The following FCGR3B variants were observed in gnomAD, a reference collection of about 807,000 sequenced individuals.
The protein encoded by FCGR3B is Fc gamma receptor IIIb.
FCGR3B carries 20 observed loss-of-function variants against 26.7 expected under a neutral mutation model. The observed-to-expected ratio is 0.75, with a 90% CI of 0.53 to 1.09. The LOEUF is 1.09. Among genes scored for constraint, FCGR3B ranks in the 50% least tolerant of loss-of-function variants. The pLI, the probability that FCGR3B is intolerant of heterozygous loss-of-function variation, is 0.00. For synonymous variants in FCGR3B, 79 were observed against 107.0 expected (o/e 0.74, Z 1.62); for missense variants, 191 against 279.7 (o/e 0.68, Z 2.26).
rs766880686 is a variant in FCGR3B at position 161,626,326 on chromosome 1, C to T, written c.396G>A (p.Lys132=). 6.2e-7 allele frequency: 1 copy of T among 1,609,142 alleles called. No individual in the cohort carries two copies. The highest frequency in any genetic ancestry group is 1.1e-5 in the South Asian group (1 of 90,628). The change falls in exon 4 of 5, where the codon AAG becomes AAA. Residue 132 remains lysine (K), a synonymous_variant. Coordinates refer to ENST00000650385, the MANE Select transcript of FCGR3B (RefSeq NM_001244753.2). ...ATGTGACCTTATGCAGAGCAGTGTT[C>T]TTCCAGCTGTGACACCTCAGGTGAA... ...DPIHLRCHSW[K]NTALHKVTYL...
intron 1 of FCGR3B, chr1:161,630,655 A>G: frequency 5.3e-6 from 3 of 564,746 alleles, no homozygotes; most frequent in Non-Finnish European, 9.5e-6. Flanking sequence ...TTAAGGGTAC[A>G]GGTTGAATTT....
At chr1:161,627,323 G>C (rs1305515259) in intron 3 of FCGR3B, among the ~76,000 whole-genome samples, 1 of 150,250 alleles carries the variant, frequency 6.7e-6, no homozygotes, top group African/African-American at 2.5e-5. Flanking sequence ...TTTCTCTGAA[G>C]GAGTGGGACC....
chr1:161,631,258 A>G, upstream of FCGR3B: 1 of 1,506,116 alleles, frequency 6.6e-7, no homozygotes, highest in Non-Finnish European at 9.0e-7. Context: ...CTCAATCTGA[A>G]GTCTCGCAAT....
intron 3 of FCGR3B, among the ~76,000 whole-genome samples, chr1:161,626,731 G>T (rs1286875023): frequency 1.0e-4 from 15 of 149,714 alleles, no homozygotes; most frequent in Admixed American, 2.7e-4. Context: ...ATTTGCTGTG[G>T]CAGGTGACAA....
chr1:161,626,021 A>G (rs1296669423), intron 4 of FCGR3B, 124 bp downstream of exon 4: 6 of 1,120,774 alleles, frequency 5.4e-6, no homozygotes, highest in Non-Finnish European at 7.6e-6. Context: ...GATCACCAGG[A>G]GGGAACCACA....
At position 161,624,595 on chromosome 1, in the gene FCGR3B, G is replaced by C; in HGVS notation, c.622C>G (p.Gln208Glu). 1 of 1,606,554 alleles carries C rather than the reference G, an allele frequency of 6.2e-7. No homozygotes were observed. The highest frequency in any genetic ancestry group is 8.5e-7 in the Non-Finnish European group (1 of 1,176,582). ...TISSFSPPGY[Q>E]VSFCLVMVLL... ...ACCATCACCAAGCAGAAAGAGACTTGGTACCCAGGTGGAGAGAATGATGAG... is the reference window on the plus strand; with the variant it reads ...ACCATCACCAAGCAGAAAGAGACTTCGTACCCAGGTGGAGAGAATGATGAG... Residue 208 changes from glutamine (Q) to glutamate (E), a missense_variant, in exon 5 of 5, where the codon CAA becomes GAA. By Grantham distance (29) the Gln-to-Glu change is conservative. Transcript: ENST00000650385.
In FCGR3B at chr1:161,630,470, C is replaced by T. The variant is rs1679685537; in HGVS notation, c.41-82G>A. ...GAACATAGAGTGAGTTTAAAACTCC[C>T]CTGCCCTCCTCTGCCCCAGGAGCCC... On this transcript the variant is annotated intron_variant, in intron 1 of 4. Transcript: ENST00000650385. The T allele has an allele frequency of 9.6e-6, 12 of 1,253,878 alleles. No individual in the cohort carries two copies. The South Asian group carries it at 1.3e-4, about 14-fold the overall frequency. 77.7% of individuals were successfully genotyped at this position (1,253,878 alleles called of 1,614,324 possible).
At chr1:161,630,249 C>G (rs1679671814) in intron 2 of FCGR3B, 119 bp downstream of exon 2, 5 of 986,518 alleles carry the variant, frequency 5.1e-6, no homozygotes, top group Admixed American at 4.0e-5. Flanking sequence ...GTTGGAGGAA[C>G]TATCCCTGCT....
rs762914235 is a variant in FCGR3B at position 161,626,401 on chromosome 1, G to A, written c.321C>T (p.Gly107=). Residue 107 remains glycine (G), a splice_region_variant and synonymous_variant, in exon 4 of 5, where the codon GGC becomes GGT. Transcript: ENST00000650385. ...ACCGAGGGGCCTGGAGCAACAGCCAGCCTGAAAGACACAGAGACACCCCAG... is the reference window on the plus strand; with the variant it reads ...ACCGAGGGGCCTGGAGCAACAGCCAACCTGAAAGACACAGAGACACCCCAG... ...SDPVQLEVHI[G]WLLLQAPRWV... 1 of 1,609,070 alleles carries A rather than the reference G, an allele frequency of 6.2e-7. No homozygotes were observed. The highest frequency in any genetic ancestry group is 1.1e-5 in the South Asian group (1 of 90,582).
At position 161,626,063 on chromosome 1, in the gene FCGR3B, T is replaced by G. The variant is rs1200058002; in HGVS notation, c.577+82A>C. 4.6e-6 allele frequency: 7 copies of G among 1,508,600 alleles called. 1 individual carries two copies. The highest frequency in any genetic ancestry group is 6.3e-6 in the Non-Finnish European group (7 of 1,110,702). 93.5% of individuals were successfully genotyped at this position (1,508,600 alleles called of 1,614,324 possible). On this transcript the variant is annotated intron_variant, in intron 4 of 4. Coordinates refer to ENST00000650385, the MANE Select transcript of FCGR3B (RefSeq NM_001244753.2). ...GAAGTGCGTGTAAGAATCAGGAATC[T>G]CCTCCCAACTCAACTTCCCAGTGTG...
Position 161,630,878 on chromosome 1 carries a change from A to G in FCGR3B, c.40+177T>C, listed in dbSNP as rs1393725218. ...TCATGACTATGACCCAATTGGAACC[A>G]GCATTCTCCTCATTTCTAGCCCCAT... On this transcript the variant is annotated intron_variant, in intron 1 of 4. Transcript: ENST00000650385. 1.4e-6 allele frequency: 2 copies of G among 1,407,126 alleles called. 1 individual carries two copies. The highest frequency in any genetic ancestry group is 5.1e-5 in the East Asian group (2 of 39,066). 87.2% of individuals were successfully genotyped at this position (1,407,126 alleles called of 1,614,324 possible).
intron 3 of FCGR3B, among the ~76,000 whole-genome samples, chr1:161,627,957 TA>T (rs1347428368): frequency 6.7e-6 from 1 of 150,042 alleles, no homozygotes; most frequent in Non-Finnish European, 1.5e-5. Flanking sequence ...TAGATTGGAA[TA>T]AAGAAATTCT....
intron 3 of FCGR3B, among the ~76,000 whole-genome samples, chr1:161,629,139 A>T (rs138482514): frequency 6.2e-4 from 62 of 99,456 alleles, no homozygotes; most frequent in East Asian, 1.6e-3. Context: ...ATTCAATAAA[A>T]ATTATTGGCC....
At chr1:161,625,032 T>A (rs1381284012) in intron 4 of FCGR3B, among the ~76,000 whole-genome samples, 1 of 143,492 alleles carries the variant, frequency 7.0e-6, no homozygotes, top group Non-Finnish European at 1.5e-5. Context: ...TTTCCAAACT[T>A]AAAAAAAATG....
In FCGR3B at chr1:161,631,044, T is replaced by C. The variant is rs570052785; in HGVS notation, c.40+11A>G. On this transcript the variant is annotated intron_variant, in intron 1 of 4. Transcript: ENST00000650385. ...CAAACTTCTCCCTCAACCAGGGAGA[T>C]CCTGACTTACCTAGAAGTAGCAGAG... 1.9e-4 allele frequency: 309 copies of C among 1,604,228 alleles called. 13 individuals carry two copies. Among genetic ancestry groups the C allele is most frequent in the Middle Eastern group, 6.8e-4 (4 of 5,840 alleles).
upstream of FCGR3B, chr1:161,631,314 C>T (rs767629365): frequency 8.4e-7 from 1 of 1,184,104 alleles, no homozygotes; most frequent in African/African-American, 1.6e-5. Flanking sequence ...AGCCTGGAGG[C>T]AAGGTGGGTG....
At chr1:161,628,238 A>G (rs1570984751) in intron 3 of FCGR3B, among the ~76,000 whole-genome samples, 2 of 150,180 alleles carry the variant, frequency 1.3e-5, no homozygotes, top group South Asian at 4.3e-4. Context: ...GCGCCACTGC[A>G]CTCCAGCTTG....
intron 1 of FCGR3B, chr1:161,630,833 G>A: frequency 4.8e-6 from 5 of 1,040,488 alleles, no homozygotes; most frequent in Non-Finnish European, 6.6e-6. Flanking sequence ...GACCCAGAGG[G>A]GTGAAGTGAC....
At position 161,624,478 on chromosome 1, in the gene FCGR3B, A is replaced by G. The variant is rs895780402; in HGVS notation, c.*37T>C. On this transcript the variant is annotated 3_prime_UTR_variant, in exon 5 of 5. Transcript: ENST00000650385. ...CATGTGTCTTGAGGGTCCTTTCTCC[A>G]TTTAAGTTTATGGTCCTTCCAGTCT... 6.3e-7 allele frequency: 1 copy of G among 1,599,760 alleles called. No individual in the cohort carries two copies. Among genetic ancestry groups the G allele is most frequent in the African/African-American group, 1.4e-5 (1 of 72,610 alleles).
Sources: gnomAD v4.1 joint callset for allele counts (sites outside exome capture counted in the v4.1 genomes callset) on GRCh38, gnomAD v4.1.1 for gene constraint, MANE v1.5 for transcripts, NCBI Gene and HGNC (gene_info 2026-07-23, HGNC 2026-07-21) for gene names.